PTPRZ1: variants seen among roughly 807,000 people sequenced by gnomAD.
PTPRZ1 encodes the protein protein tyrosine phosphatase receptor type Z1.
Under a neutral mutation model 214.1 loss-of-function variants are expected in PTPRZ1, and 82 were observed. That is an observed-to-expected ratio of 0.38 (90% CI 0.32 to 0.46). The LOEUF (loss-of-function observed/expected upper bound fraction) is 0.46. Ranked by LOEUF, PTPRZ1 falls within the 20% of genes least tolerant of loss-of-function variation. PTPRZ1 has a pLI of 1.00. For synonymous variants in PTPRZ1, 945 were observed against 987.9 expected (o/e 0.96, Z 0.81); for missense variants, 2,603 against 2,748.7 (o/e 0.95, Z 1.19).
At chr7:122,028,435 G>C in intron 13 of PTPRZ1, 117 bp from the exon 14 acceptor site, 1 of 675,244 alleles carries the variant, frequency 1.5e-6, no homozygotes, top group Non-Finnish European at 2.6e-6. Context: ...CCTCTTCTGG[G>C]TATATACCTG....
At chr7:121,946,296 C>A (rs1325597283) in intron 2 of PTPRZ1, among the ~76,000 whole-genome samples, 1 of 152,110 alleles carries the variant, frequency 6.6e-6, no homozygotes, top group Non-Finnish European at 1.5e-5. Flanking sequence ...GTAATAACCA[C>A]AGACATGGGA....
intron 2 of PTPRZ1, among the ~76,000 whole-genome samples, chr7:121,952,588 A>AAAAAG (rs148462260): frequency 0.012 from 1,841 of 152,132 alleles, 33 homozygotes; most frequent in African/African-American, 0.04. Flanking sequence ...CTGTCTCAAA[A>AAAAAG]AAAAGAAAAG....
chr7:121,925,895 G>T (rs1451064686), intron 1 of PTPRZ1, among the ~76,000 whole-genome samples: 1 of 152,156 alleles, frequency 6.6e-6, no homozygotes, highest in African/African-American at 2.4e-5. Flanking sequence ...TAAAGGTGCT[G>T]TCTCTCTTGT....
chr7:122,030,594 G>GT (rs201780611), intron 14 of PTPRZ1, among the ~76,000 whole-genome samples: 53 of 151,448 alleles, frequency 3.5e-4, no homozygotes, highest in South Asian at 8.4e-4. Flanking sequence ...ATGGATTCCA[G>GT]TTTTTTTTTA....
intron 28 of PTPRZ1, chr7:122,059,492 A>T: frequency 3.2e-6 from 1 of 309,528 alleles, no homozygotes; most frequent in Non-Finnish European, 5.9e-6. Flanking sequence ...TATTATTGCC[A>T]ACTCCTTTCA....
At chr7:121,919,995 TC>T (rs138493745) in intron 1 of PTPRZ1, among the ~76,000 whole-genome samples, 3,001 of 152,282 alleles carry the variant, frequency 0.02, 91 homozygotes, top group African/African-American at 0.069. Flanking sequence ...AATCACAACT[TC>T]CCCAAATTCA....
intron 1 of PTPRZ1, among the ~76,000 whole-genome samples, chr7:121,893,451 C>T (rs1006321891): frequency 6.6e-6 from 1 of 152,214 alleles, no homozygotes; most frequent in African/African-American, 2.4e-5. Context: ...GGTTAGTTCA[C>T]AATCCTGTCA....
At chr7:121,926,229 G>A (rs560044121) in intron 1 of PTPRZ1, among the ~76,000 whole-genome samples, 17 of 137,560 alleles carry the variant, frequency 1.2e-4, no homozygotes, top group Non-Finnish European at 2.4e-4. Context: ...CGCTTGAACC[G>A]GAGAGGTGGA....
chr7:121,956,116 C>T lies in PTPRZ1; in HGVS notation c.125-11835C>T, dbSNP rs143790565. Among the ~76,000 whole-genome samples the T allele has an allele frequency of 2.0e-5, 3 of 152,236 alleles. No individual in the cohort carries two copies. In the East Asian group the frequency reaches 5.8e-4, roughly 29 times the overall value. On this transcript the variant is annotated intron_variant, in intron 2 of 29. Coordinates refer to ENST00000393386, the MANE Select transcript of PTPRZ1 (RefSeq NM_002851.3). ...TAGCTTTTTATACATCCTACTCACA[C>T]TCGTCCTACTGATTTCCACTTAGGA...
chr7:121,926,942 G>A (rs1338243749), intron 1 of PTPRZ1, among the ~76,000 whole-genome samples: 2 of 151,970 alleles, frequency 1.3e-5, no homozygotes, highest in African/African-American at 2.4e-5. Flanking sequence ...GTACGTTTTG[G>A]CTTTGGATAA....
At chr7:121,970,268 G>A (rs1418221186) in intron 3 of PTPRZ1, among the ~76,000 whole-genome samples, 1 of 152,086 alleles carries the variant, frequency 6.6e-6, no homozygotes, top group African/African-American at 2.4e-5. Context: ...ACATGCATGT[G>A]CATGTGTTTT....
chr7:121,902,504 T>C (rs1794994488), intron 1 of PTPRZ1, among the ~76,000 whole-genome samples: 1 of 152,156 alleles, frequency 6.6e-6, no homozygotes, highest in Non-Finnish European at 1.5e-5. Flanking sequence ...TCTCCTTTCT[T>C]TATATCCTCA....
chr7:122,052,093 G>T (rs1237396034), intron 25 of PTPRZ1, among the ~76,000 whole-genome samples, 154 bp downstream of exon 25: 1 of 152,180 alleles, frequency 6.6e-6, no homozygotes, highest in East Asian at 1.9e-4. Context: ...CACAGCAACA[G>T]TTGTAATAAT....
chr7:121,918,855 A>T (rs1563017202), intron 1 of PTPRZ1, among the ~76,000 whole-genome samples: 4 of 151,588 alleles, frequency 2.6e-5, no homozygotes, highest in African/African-American at 9.7e-5. Flanking sequence ...TTTCAAAAAA[A>T]ATCAATAAAT....
At chr7:121,924,472 CAATT>C (rs777963846) in intron 1 of PTPRZ1, among the ~76,000 whole-genome samples, 1 of 151,988 alleles carries the variant, frequency 6.6e-6, no homozygotes, top group Non-Finnish European at 1.5e-5. Flanking sequence ...TTTGAAGTAA[CAATT>C]AAGGGAACAA....
intron 12 of PTPRZ1, 144 bp downstream of exon 12, chr7:122,014,033 G>T: frequency 3.0e-6 from 2 of 661,408 alleles, no homozygotes; most frequent in East Asian, 6.0e-5. Flanking sequence ...TCAGTCTCCA[G>T]TTTCTGAAGT....
intron 12 of PTPRZ1, among the ~76,000 whole-genome samples, chr7:122,017,538 C>CATTCATTTATTTATTT (rs147423889): frequency 1.4e-5 from 2 of 140,112 alleles, no homozygotes; most frequent in African/African-American, 2.7e-5. Flanking sequence ...TGATACATTA[C>CATTCATTTATTTATTT]ATTTATTTAT....
chr7:121,878,235 G>A (rs1203581356), intron 1 of PTPRZ1, among the ~76,000 whole-genome samples: 3 of 152,148 alleles, frequency 2.0e-5, no homozygotes, highest in Non-Finnish European at 4.4e-5. Flanking sequence ...AAACAATTCA[G>A]TTCCCTAATC....
At position 122,011,351 on chromosome 7, in the gene PTPRZ1, C is replaced by G. The variant is rs1339954193; in HGVS notation, c.2305C>G (p.Pro769Ala). The G allele has an allele frequency of 1.9e-6, 3 of 1,614,100 alleles. No individual in the cohort carries two copies. The highest frequency in any genetic ancestry group is 2.5e-6 in the Non-Finnish European group (3 of 1,179,998). The change falls in exon 12 of 30, where the codon CCT (proline) becomes GCT (alanine). Residue 769 changes from proline to alanine, a missense_variant. Around this residue, in one of 6 missense-constraint regions of PTPRZ1, gnomAD observed 1,913 missense variants for 1,914.3 expected, o/e 1.00. Coordinates refer to ENST00000393386, the MANE Select transcript of PTPRZ1 (RefSeq NM_002851.3). ...ACCTTCCTACAGTAGTGAAGTCTTT[C>G]CTCTAGTCACCCCTTTGTTGCTTGA... ...LQPSYSSEVFPLVTPLLLDNQ... is the reference protein window; with the variant it reads ...LQPSYSSEVFALVTPLLLDNQ...
Sources: gnomAD v4.1 joint callset for allele counts (sites outside exome capture counted in the v4.1 genomes callset) on GRCh38, gnomAD v4.1.1 for gene constraint, gnomAD v4.1.1 regional missense constraint, MANE v1.5 for transcripts, NCBI Gene and HGNC (gene_info 2026-07-23, HGNC 2026-07-21) for gene names.